Variants in TENM4 observed in about 807,000 individuals in gnomAD.
The protein encoded by TENM4 is teneurin transmembrane protein 4.
TENM4 carries 82 observed loss-of-function variants against 243.3 expected under a neutral mutation model. That is an observed-to-expected ratio of 0.34 (90% CI 0.28 to 0.40). The LOEUF (loss-of-function observed/expected upper bound fraction) is 0.40. Ranked by LOEUF, TENM4 falls within the 10% of genes least tolerant of loss-of-function variation. The probability of loss-of-function intolerance (pLI) is 1.00; values close to 1 mark genes in which losing one functional copy is unlikely to be tolerated. For missense variants in TENM4, 3,138 were observed against 3,673.3 expected, an observed-to-expected ratio of 0.85 and a Z score of 3.77; for synonymous variants, 1,412 against 1,456.3, an observed-to-expected ratio of 0.97 and a Z score of 0.69.
chr11:79,083,962 T>C (rs1860741819), intron 4 of TENM4, among the ~76,000 whole-genome samples: 1 of 151,364 alleles, frequency 6.6e-6, no homozygotes, highest in East Asian at 2.0e-4. Flanking sequence ...CTAGAATATA[T>C]ATATATGTGT....
intron 1 of TENM4, among the ~76,000 whole-genome samples, chr11:79,313,928 T>A (rs1856762252): frequency 1.3e-5 from 2 of 152,154 alleles, no homozygotes; most frequent in Admixed American, 1.3e-4. Flanking sequence ...TTTTCTCTAC[T>A]CCCCGGTGGC....
rs1858319395 is a variant in TENM4 at position 78,843,825 on chromosome 11, T to C, written c.1681+10279A>G. Among the ~76,000 whole-genome samples the C allele has an allele frequency of 3.9e-5, 6 of 152,192 alleles. No homozygotes were observed. The South Asian group carries it at 1.2e-3, about 32-fold the overall frequency. On this transcript the variant is annotated intron_variant, in intron 12 of 33. Transcript: ENST00000278550. ...AAAGTCCTGAGGACAGAAAGAGCCT[T>C]CCTTAGCCAGGTACCTGGCAGTGCC... is the stretch of plus-strand genomic sequence containing the variant.
chr11:79,063,193 C>A (rs1450889768), intron 6 of TENM4, among the ~76,000 whole-genome samples: 3 of 152,218 alleles, frequency 2.0e-5, no homozygotes, highest in African/African-American at 7.2e-5. Context: ...CTGACCCTGA[C>A]CGTGCGTGGT....
intron 20 of TENM4, among the ~76,000 whole-genome samples, chr11:78,733,545 G>A (rs1855718124): frequency 1.3e-5 from 2 of 152,188 alleles, no homozygotes; most frequent in African/African-American, 4.8e-5. Context: ...GAAACATACT[G>A]GCAGCTCTGT....
In TENM4 at chr11:78,698,404, A is replaced by AAACCAACCAACCAACCAACC. The variant is rs375751143; in HGVS notation, c.5087+3102_5087+3121dup. 2.5e-3 allele frequency among the ~76,000 whole-genome samples: 378 copies of AAACCAACCAACCAACCAACC among 151,872 alleles called. 2 individuals carry two copies. The highest frequency in any genetic ancestry group is 7.2e-3 in the African/African-American group (296 of 41,308). ...TCCATTTCAAAAACCAAACCGAACC[A>AAACCAACCAACCAACCAACC]AACCAACCAACCAACCAACCAAACA... On this transcript the variant is annotated intron_variant, in intron 28 of 33. Coordinates refer to ENST00000278550, the MANE Select transcript of TENM4 (RefSeq NM_001098816.3).
chr11:79,224,055 C>T (rs1320532584), intron 2 of TENM4, among the ~76,000 whole-genome samples: 1 of 152,214 alleles, frequency 6.6e-6, no homozygotes, highest in Non-Finnish European at 1.5e-5. Context: ...GCTTGTCAGT[C>T]TGGGTCCCTG....
intron 6 of TENM4, among the ~76,000 whole-genome samples, chr11:78,984,380 G>A (rs1318596526): frequency 6.6e-6 from 1 of 152,150 alleles, no homozygotes; most frequent in East Asian, 1.9e-4. Flanking sequence ...AAAAGTTTTG[G>A]TGACATAGTT....
At chr11:78,771,262 C>A in intron 17 of TENM4, 124 bp from the exon 18 acceptor site, 1 of 1,218,356 alleles carries the variant, frequency 8.2e-7, no homozygotes, top group Non-Finnish European at 1.2e-6. Context: ...ATGCCCACAG[C>A]AGCCCAGGGA....
intron 23 of TENM4, among the ~76,000 whole-genome samples, chr11:78,723,985 CTTT>C (rs1420472043): frequency 6.6e-6 from 1 of 151,218 alleles, no homozygotes. Context: ...TCTTTCTTTT[CTTT>C]TTCTTTCTTT....
chr11:79,202,950 T>A (rs1312611333), intron 3 of TENM4, among the ~76,000 whole-genome samples: 1 of 152,222 alleles, frequency 6.6e-6, no homozygotes, highest in Non-Finnish European at 1.5e-5. Context: ...GTTTAATTTG[T>A]CCTCACAATT....
chr11:78,725,947 G>T, intron 23 of TENM4, 132 bp downstream of exon 23: 1 of 1,248,376 alleles, frequency 8.0e-7, no homozygotes, highest in South Asian at 1.4e-5. Flanking sequence ...AGCAATATCT[G>T]TTGACTGAGC....
In TENM4 at chr11:79,069,990, C is replaced by G. The variant is rs766955974; in HGVS notation, c.-46G>C. 4.6e-6 allele frequency: 7 copies of G among 1,532,962 alleles called. No homozygotes were observed. The highest frequency in any genetic ancestry group is 6.1e-6 in the Non-Finnish European group (7 of 1,142,056). The allele number at this position is 1,532,962 out of a possible 1,614,324, so 95.0% of individuals were successfully genotyped here. On this transcript the variant is annotated 5_prime_UTR_variant, in exon 5 of 34. Coordinates refer to ENST00000278550, the MANE Select transcript of TENM4 (RefSeq NM_001098816.3). ...CCACATCCACAAACAGGGTCCTCGCCGCACTCAGGGCCGAGTGGTCTAGAG... is the reference window on the plus strand; with the variant it reads ...CCACATCCACAAACAGGGTCCTCGCGGCACTCAGGGCCGAGTGGTCTAGAG...
chr11:78,871,494 C>A (rs1330983339), intron 9 of TENM4, among the ~76,000 whole-genome samples: 2 of 152,174 alleles, frequency 1.3e-5, no homozygotes, highest in East Asian at 3.8e-4. Context: ...TACCTACCAA[C>A]CCACTCACCG....
intron 2 of TENM4, among the ~76,000 whole-genome samples, chr11:79,256,159 C>T (rs996921405): frequency 6.6e-6 from 1 of 152,214 alleles, no homozygotes; most frequent in South Asian, 2.1e-4. Flanking sequence ...TAAGGCATGG[C>T]TGCTGTCCAG....
chr11:78,925,912 G>C (rs1370836882), intron 6 of TENM4, among the ~76,000 whole-genome samples: 1 of 149,198 alleles, frequency 6.7e-6, no homozygotes, highest in African/African-American at 2.5e-5. Context: ...TACAAGAAAA[G>C]AGGAATAGTT....
At chr11:79,262,716 CTT>C (rs1227821312) in intron 2 of TENM4, among the ~76,000 whole-genome samples, 2 of 152,224 alleles carry the variant, frequency 1.3e-5, no homozygotes, top group African/African-American at 4.8e-5. Context: ...AAGAACAAGA[CTT>C]AGAGTCAAAT....
intron 2 of TENM4, among the ~76,000 whole-genome samples, chr11:79,236,141 C>G (rs1221187905): frequency 6.6e-6 from 1 of 152,092 alleles, no homozygotes; most frequent in Non-Finnish European, 1.5e-5. Context: ...TGCCATGAAA[C>G]CTCCATTACC....
intron 4 of TENM4, among the ~76,000 whole-genome samples, chr11:79,081,808 G>A (rs1199666909): frequency 6.6e-6 from 1 of 152,030 alleles, no homozygotes; most frequent in Non-Finnish European, 1.5e-5. Flanking sequence ...TATCCCCCCA[G>A]CCCTTATATT....
intron 1 of TENM4, among the ~76,000 whole-genome samples, chr11:79,388,784 C>T (rs183568503): frequency 6.6e-6 from 1 of 152,296 alleles, no homozygotes; most frequent in East Asian, 1.9e-4. Context: ...CACAGTGTGG[C>T]ATGCTAAAGC....
Sources: allele counts gnomAD v4.1 joint callset (sites outside exome capture counted in the v4.1 genomes callset), GRCh38; gene constraint gnomAD v4.1.1; transcripts MANE v1.5; gene names NCBI Gene and HGNC (gene_info 2026-07-23, HGNC 2026-07-21).